The following CHSY3 variants were observed in gnomAD, a reference collection of about 807,000 sequenced individuals.
The protein encoded by CHSY3 is chondroitin sulfate synthase 3.
In CHSY3, 35 loss-of-function variants were observed where a neutral mutation model predicts 67.2. The ratio of observed to expected loss-of-function variants is 0.52; its 90% CI spans 0.40 to 0.69. The LOEUF (loss-of-function observed/expected upper bound fraction) is 0.69, where lower values mean the gene tolerates loss of function less well. Among genes scored for constraint, CHSY3 ranks in the 30% least tolerant of loss-of-function variants. CHSY3 has a pLI of 0.00. For synonymous variants in CHSY3, 474 were observed against 434.7 expected, an observed-to-expected ratio of 1.09 and a Z score of -1.12; for missense variants, 1,069 against 1,138.5, an observed-to-expected ratio of 0.94 and a Z score of 0.88.
chr5:129,980,599 A>G (rs1204583579), intron 2 of CHSY3, among the ~76,000 whole-genome samples: 1 of 152,194 alleles, frequency 6.6e-6, no homozygotes, highest in African/African-American at 2.4e-5. Context: ...TGCCTTTCAC[A>G]GAGCATAAGT....
At chr5:130,015,047 T>C (rs1764176789) in intron 2 of CHSY3, among the ~76,000 whole-genome samples, 1 of 152,222 alleles carries the variant, frequency 6.6e-6, no homozygotes, top group Non-Finnish European at 1.5e-5. Context: ...TAATTCCCAC[T>C]GTTAGAGGAG....
intron 2 of CHSY3, among the ~76,000 whole-genome samples, chr5:130,145,850 A>G (rs1032761597): frequency 3.9e-5 from 6 of 152,190 alleles, no homozygotes; most frequent in African/African-American, 1.4e-4. Context: ...CATGAAAAAA[A>G]AAGTTCAACA....
At chr5:130,171,422 TAAAC>T (rs1481406886) in intron 2 of CHSY3, among the ~76,000 whole-genome samples, 1 of 152,178 alleles carries the variant, frequency 6.6e-6, no homozygotes, top group Non-Finnish European at 1.5e-5. Flanking sequence ...TATACCATGA[TAAAC>T]AAACCTGATG....
At chr5:130,114,108 T>G (rs1767696453) in intron 2 of CHSY3, among the ~76,000 whole-genome samples, 1 of 152,190 alleles carries the variant, frequency 6.6e-6, no homozygotes, top group African/African-American at 2.4e-5. Context: ...ATTACAGGTT[T>G]GAAAATCTCA....
chr5:129,965,778 C>G (rs187655597), intron 2 of CHSY3, among the ~76,000 whole-genome samples: 105 of 152,002 alleles, frequency 6.9e-4, no homozygotes, highest in African/African-American at 2.4e-3. Flanking sequence ...GTAGAGATGT[C>G]TCATTTAAGG....
At chr5:130,001,059 T>G (rs1763714258) in intron 2 of CHSY3, among the ~76,000 whole-genome samples, 1 of 151,712 alleles carries the variant, frequency 6.6e-6, no homozygotes, top group South Asian at 2.1e-4. Flanking sequence ...TTTTTGTATT[T>G]TTAGTAGACA....
chr5:130,093,735 G>T (rs1486536193), intron 2 of CHSY3, among the ~76,000 whole-genome samples: 1 of 152,052 alleles, frequency 6.6e-6, no homozygotes, highest in Non-Finnish European at 1.5e-5. Flanking sequence ...TATATCTCAA[G>T]AACACAGCAT....
intron 2 of CHSY3, among the ~76,000 whole-genome samples, chr5:130,168,821 C>T (rs1000176013): frequency 3.3e-5 from 5 of 152,058 alleles, no homozygotes; most frequent in Non-Finnish European, 7.4e-5. Flanking sequence ...GTACAATGAG[C>T]ACTGGCCAAA....
At chr5:129,909,398 T>G in intron 2 of CHSY3, among the ~76,000 whole-genome samples, 1 of 152,070 alleles carries the variant, frequency 6.6e-6, no homozygotes, top group Admixed American at 6.5e-5. Context: ...CCCTGTGAAG[T>G]CACCAAACAC....
At chr5:129,916,172 GTT>G (rs1216234179) in intron 2 of CHSY3, among the ~76,000 whole-genome samples, 1 of 152,170 alleles carries the variant, frequency 6.6e-6, no homozygotes, top group East Asian at 1.9e-4. Flanking sequence ...TCACTCAAAT[GTT>G]TGATATGAGG....
chr5:129,978,892 G>A (rs1762888143), intron 2 of CHSY3, among the ~76,000 whole-genome samples: 1 of 151,876 alleles, frequency 6.6e-6, no homozygotes, highest in Non-Finnish European at 1.5e-5. Flanking sequence ...GCATTATACT[G>A]TCATTAGAAA....
At chr5:130,099,297 G>T (rs1326160271) in intron 2 of CHSY3, among the ~76,000 whole-genome samples, 1 of 152,094 alleles carries the variant, frequency 6.6e-6, no homozygotes, top group Non-Finnish European at 1.5e-5. Context: ...GAGAATATTT[G>T]GAAGGCAATG....
At chr5:130,143,734 G>GTGTATATATATATA (rs1223966105) in intron 2 of CHSY3, among the ~76,000 whole-genome samples, 2,278 of 94,616 alleles carry the variant, frequency 0.024, 64 homozygotes, top group Non-Finnish European at 0.036. Context: ...GTGTGTGTGT[G>GTGTATATATATATA]TATATATATA....
At chr5:130,163,398 T>A (rs1336021390) in intron 2 of CHSY3, among the ~76,000 whole-genome samples, 1 of 152,188 alleles carries the variant, frequency 6.6e-6, no homozygotes, top group African/African-American at 2.4e-5. Flanking sequence ...AGAAAGAGGA[T>A]GCCTTCACAT....
At position 130,129,094 on chromosome 5, in the gene CHSY3, G is replaced by A. The variant is rs573567805; in HGVS notation, c.1087-55135G>A. 7.2e-5 allele frequency among the ~76,000 whole-genome samples: 11 copies of A among 152,176 alleles called. No individual in the cohort carries two copies. In the South Asian group the frequency reaches 2.3e-3, roughly 32 times the overall value. The stretch of plus-strand genomic sequence containing the variant: ...AGGGTGGACACAGAAAGTCCTATGT[G>A]CCAAGTTTCCTCAAGATAATCAGCA... On this transcript the variant is annotated intron_variant, in intron 2 of 2. Transcript: ENST00000305031.
chr5:130,008,324 C>A (rs1231745772), intron 2 of CHSY3, among the ~76,000 whole-genome samples: 10 of 152,196 alleles, frequency 6.6e-5, no homozygotes, highest in Admixed American at 6.5e-4. Context: ...CTAGTCCCAG[C>A]ACCTAGGGTT....
chr5:129,912,780 G>A (rs972461528), intron 2 of CHSY3, among the ~76,000 whole-genome samples: 1 of 152,188 alleles, frequency 6.6e-6, no homozygotes, highest in South Asian at 2.1e-4. Flanking sequence ...GGTTGAGGGT[G>A]AGCCTTATAC....
Position 130,001,364 on chromosome 5 carries a change from C to T in CHSY3, c.1086+93004C>T, listed in dbSNP as rs1001773081. 4 of 853,496 alleles carry T rather than the reference C, an allele frequency of 4.7e-6. No individual in the cohort carries two copies. The African/African-American group carries it at 7.3e-5, about 16-fold the overall frequency. 52.9% of individuals were successfully genotyped at this position (853,496 alleles called of 1,614,324 possible). A position where few individuals can be genotyped will look rare whatever the true frequency, so the allele number is the denominator to read the frequency against. ...GGTGGAATTCTTTCATTTTAAAATT[C>T]TTCTTCCTCCTACTCTTCTTCTCCT... On this transcript the variant is annotated intron_variant, in intron 2 of 2. Transcript: ENST00000305031.
chr5:130,085,633 A>G (rs911597880), intron 2 of CHSY3, among the ~76,000 whole-genome samples: 1 of 151,714 alleles, frequency 6.6e-6, no homozygotes, highest in African/African-American at 2.4e-5. Flanking sequence ...GATTTTAGTT[A>G]TTTCTTGCCT....
Sources: allele counts gnomAD v4.1 joint callset (sites outside exome capture counted in the v4.1 genomes callset), GRCh38; gene constraint gnomAD v4.1.1; transcripts MANE v1.5; gene names NCBI Gene and HGNC (gene_info 2026-07-23, HGNC 2026-07-21).